Variants in ANTXR2 observed in about 807,000 individuals in gnomAD.
ANTXR2 encodes the protein ANTXR cell adhesion molecule 2, also known as anthrax toxin receptor 2.
A neutral mutation model predicts 73.7 loss-of-function variants in ANTXR2; 44 were observed. The ratio of observed to expected loss-of-function variants is 0.60; its 90% confidence interval spans 0.47 to 0.77. The LOEUF (loss-of-function observed/expected upper bound fraction) is 0.77. ANTXR2 is among the 30% of genes least tolerant of loss of function. The probability of loss-of-function intolerance (pLI) is 0.00; values close to 1 mark genes in which losing one functional copy is unlikely to be tolerated. For missense variants in ANTXR2, 604 were observed against 592.5 expected (o/e 1.02, Z -0.20); for synonymous variants, 217 against 205.9 (o/e 1.05, Z -0.46).
At chr4:79,992,024 G>C (rs1730493377) in intron 12 of ANTXR2, among the ~76,000 whole-genome samples, 1 of 151,812 alleles carries the variant, frequency 6.6e-6, no homozygotes, top group African/African-American at 2.4e-5. Flanking sequence ...TCACTACCTG[G>C]GTGATGAAAT....
chr4:79,949,251 C>T (rs1042090055), intron 16 of ANTXR2, among the ~76,000 whole-genome samples: 1 of 152,098 alleles, frequency 6.6e-6, no homozygotes, highest in African/African-American at 2.4e-5. Context: ...ATGATGCTTA[C>T]ATGTTTGGGA....
At chr4:80,055,023 C>T in intron 6 of ANTXR2, 127 bp downstream of exon 6, 1 of 816,446 alleles carries the variant, frequency 1.2e-6, no homozygotes, top group South Asian at 1.8e-5. Context: ...AAACCTACAG[C>T]CATTTCTATA....
intron 12 of ANTXR2, among the ~76,000 whole-genome samples, chr4:79,985,304 C>A (rs1190496808): frequency 1.3e-5 from 2 of 150,146 alleles, no homozygotes; most frequent in East Asian, 2.0e-4. Context: ...GTGCCGAGAT[C>A]GTGCCACCGG....
intron 16 of ANTXR2, among the ~76,000 whole-genome samples, chr4:79,930,008 G>A (rs1223323692): frequency 9.2e-5 from 14 of 152,134 alleles, no homozygotes; most frequent in Admixed American, 3.9e-4. Context: ...CTCAGAGTGG[G>A]CAAGTCATTT....
Position 79,907,324 on chromosome 4 carries a change from T to A in ANTXR2, c.*105A>T, listed in dbSNP as rs939717650. On this transcript the variant is annotated 3_prime_UTR_variant, in exon 17 of 17. Transcript: ENST00000403729. ...TCCCGACTGAGAGGAATTAAGCTGC[T>A]CTTCCAAAAGCTTCTGAAATGCACT... The A allele has an allele frequency of 2.4e-6, 3 of 1,239,088 alleles. No individual in the cohort carries two copies. In the Admixed American group the frequency reaches 5.7e-5, roughly 24 times the overall value. 76.8% of individuals were successfully genotyped at this position (1,239,088 alleles called of 1,614,324 possible). A position where few individuals can be genotyped will look rare whatever the true frequency, so the allele number is the denominator to read the frequency against.
intron 7 of ANTXR2, among the ~76,000 whole-genome samples, chr4:80,039,909 T>G (rs1315356798): frequency 6.6e-6 from 1 of 152,026 alleles, no homozygotes; most frequent in Non-Finnish European, 1.5e-5. Context: ...ATGTGGCACA[T>G]AGAAACCATG....
At chr4:80,035,160 C>T (rs954134129) in intron 8 of ANTXR2, among the ~76,000 whole-genome samples, 1 of 152,058 alleles carries the variant, frequency 6.6e-6, no homozygotes, top group Admixed American at 6.6e-5. Context: ...ATTATTTTTC[C>T]ATTTATTTTT....
rs1430957934 is a variant in ANTXR2 at position 79,904,012 on chromosome 4, A to G, written c.*3417T>C. ...TTCCTTCTACTTGTAAATGTGACCT[A>G]ATTACATTCTGCCTTCTTAAATTTC... is the stretch of plus-strand genomic sequence containing the variant. On this transcript the variant is annotated 3_prime_UTR_variant, in exon 17 of 17. Coordinates refer to ENST00000403729, the MANE Select transcript of ANTXR2 (RefSeq NM_058172.6). 2 of 152,148 alleles carry G rather than the reference A, an allele frequency of 1.3e-5. No homozygotes were observed. The highest frequency in any genetic ancestry group is 3.8e-4 in the East Asian group (2 of 5,202). The allele number at this position is 152,148 out of a possible 1,614,324, so 9.4% of individuals were successfully genotyped here.
intron 11 of ANTXR2, among the ~76,000 whole-genome samples, chr4:80,009,054 T>TA (rs939304038): frequency 1.2e-4 from 19 of 152,010 alleles, no homozygotes; most frequent in Non-Finnish European, 2.1e-4. Context: ...AGATGAATAT[T>TA]AAAAAAAATT....
intron 11 of ANTXR2, among the ~76,000 whole-genome samples, chr4:80,013,580 C>T (rs1731699478): frequency 1.3e-5 from 2 of 152,240 alleles, no homozygotes; most frequent in Admixed American, 1.3e-4. Flanking sequence ...ATTATCCTCA[C>T]AATGAGCAAT....
chr4:79,964,913 C>T (rs1436441475), intron 16 of ANTXR2: 2 of 152,242 alleles, frequency 1.3e-5, no homozygotes, highest in Non-Finnish European at 2.9e-5. Flanking sequence ...CGGCGTGCGG[C>T]CCGCGGACCC....
chr4:79,909,186 A>G (rs967366806), intron 16 of ANTXR2, among the ~76,000 whole-genome samples: 2 of 152,192 alleles, frequency 1.3e-5, no homozygotes, highest in African/African-American at 4.8e-5. Flanking sequence ...ATATAAATTA[A>G]TGACATCTTT....
At position 80,072,522 on chromosome 4, in the gene ANTXR2, G is replaced by C. The variant is rs769854287; in HGVS notation, c.39C>G (p.Ser13Arg). ...AERSPARSPG[S>R]WLFPGLWLLV... ...ACAGCCACAGCCCGGGGAACAGCCAGCTCCCGGGGCTGCGGGCCGGGGACC... is the reference window on the plus strand; with the variant it reads ...ACAGCCACAGCCCGGGGAACAGCCACCTCCCGGGGCTGCGGGCCGGGGACC... The change falls in exon 1 of 17, where the codon AGC becomes AGG. Residue 13 changes from serine to arginine, a missense_variant. Physicochemically the swap from Ser to Arg is moderately radical, Grantham distance 110. Coordinates refer to ENST00000403729, the MANE Select transcript of ANTXR2 (RefSeq NM_058172.6). 1 of 1,596,644 alleles carries C rather than the reference G, an allele frequency of 6.3e-7. No individual in the cohort carries two copies. Among genetic ancestry groups the C allele is most frequent in the South Asian group, 1.1e-5 (1 of 88,988 alleles).
At chr4:79,927,372 T>A (rs1727863070) in intron 16 of ANTXR2, among the ~76,000 whole-genome samples, 1 of 151,988 alleles carries the variant, frequency 6.6e-6, no homozygotes, top group South Asian at 2.1e-4. Context: ...TTTTGCTGTA[T>A]TAATCATTTC....
chr4:80,032,683 A>C (rs938604794), intron 9 of ANTXR2, among the ~76,000 whole-genome samples: 1 of 151,938 alleles, frequency 6.6e-6, no homozygotes, highest in Non-Finnish European at 1.5e-5. Flanking sequence ...CAAAGTTATA[A>C]AATCTGCTTT....
At chr4:79,981,338 T>G (rs1342716262) in intron 14 of ANTXR2, among the ~76,000 whole-genome samples, 1 of 152,288 alleles carries the variant, frequency 6.6e-6, no homozygotes, top group East Asian at 1.9e-4. Context: ...AAACCTGACC[T>G]CATCTGATGG....
intron 12 of ANTXR2, among the ~76,000 whole-genome samples, chr4:79,987,883 A>G (rs555647167): frequency 8.1e-4 from 123 of 152,250 alleles, no homozygotes; most frequent in African/African-American, 2.8e-3. Flanking sequence ...TTCATAAGTG[A>G]AGGGGGAATA....
chr4:80,026,099 T>C (rs989840734), intron 10 of ANTXR2, among the ~76,000 whole-genome samples: 1 of 152,166 alleles, frequency 6.6e-6, no homozygotes, highest in Non-Finnish European at 1.5e-5. Flanking sequence ...CTTAGTGATA[T>C]GGTTTTGCTG....
At chr4:80,054,560 G>A (rs560699147) in intron 6 of ANTXR2, among the ~76,000 whole-genome samples, 139 of 150,918 alleles carry the variant, frequency 9.2e-4, no homozygotes, top group South Asian at 1.9e-3. Context: ...AGATCAGTCA[G>A]AGTACCTTTA....
Sources: allele counts gnomAD v4.1 joint callset (sites outside exome capture counted in the v4.1 genomes callset), GRCh38; gene constraint gnomAD v4.1.1; transcripts MANE v1.5; gene names NCBI Gene and HGNC (gene_info 2026-07-23, HGNC 2026-07-21).